The following ERBB4 variants were observed in gnomAD, a reference collection of about 807,000 sequenced individuals.
ERBB4 encodes the protein erb-b2 receptor tyrosine kinase 4, also known as receptor tyrosine-protein kinase erbB-4.
ERBB4 carries 42 observed loss-of-function variants against 158.0 expected under a neutral mutation model. That is an observed-to-expected ratio of 0.27 (90% CI 0.21 to 0.34). The LOEUF (loss-of-function observed/expected upper bound fraction) is 0.34, where lower values mean the gene tolerates loss of function less well. Among genes scored for constraint, ERBB4 ranks in the 10% least tolerant of loss-of-function variants. The pLI is 1.00. For missense variants in ERBB4, 1,333 were observed against 1,624.1 expected (o/e 0.82, Z 3.08); for synonymous variants, 583 against 558.7 (o/e 1.04, Z -0.61).
intron 2 of ERBB4, among the ~76,000 whole-genome samples, chr2:212,008,447 T>C (rs1319488622): frequency 6.6e-6 from 1 of 152,134 alleles, no homozygotes; most frequent in African/African-American, 2.4e-5. Context: ...GAATTAAATA[T>C]GTTTCTCACC....
At chr2:212,084,855 G>C (rs923652538) in intron 2 of ERBB4, among the ~76,000 whole-genome samples, 1 of 151,934 alleles carries the variant, frequency 6.6e-6, no homozygotes, top group Non-Finnish European at 1.5e-5. Context: ...ATCATCCCTA[G>C]TAGGGAGGAA....
At chr2:211,712,839 A>G (rs1447299282) in intron 8 of ERBB4, among the ~76,000 whole-genome samples, 1 of 152,090 alleles carries the variant, frequency 6.6e-6, no homozygotes, top group Non-Finnish European at 1.5e-5. Flanking sequence ...GGAGAGAGAG[A>G]AAACATCATC....
intron 2 of ERBB4, among the ~76,000 whole-genome samples, chr2:212,065,374 G>A (rs2077912562): frequency 6.6e-6 from 1 of 151,888 alleles, no homozygotes; most frequent in Non-Finnish European, 1.5e-5. Context: ...TACAAAAAGA[G>A]CAAATTCAGT....
intron 20 of ERBB4, among the ~76,000 whole-genome samples, chr2:211,517,995 A>T (rs958322799): frequency 6.6e-6 from 1 of 152,104 alleles, no homozygotes; most frequent in Non-Finnish European, 1.5e-5. Context: ...GCCTGGTCTT[A>T]TTGTACAAGT....
At chr2:211,992,703 A>G (rs1021396372) in intron 2 of ERBB4, among the ~76,000 whole-genome samples, 10 of 152,168 alleles carry the variant, frequency 6.6e-5, no homozygotes, top group African/African-American at 2.4e-4. Flanking sequence ...TGAGACAGAA[A>G]GAAAATTGTG....
chr2:211,754,525 C>T (rs1270923837), intron 4 of ERBB4, among the ~76,000 whole-genome samples: 1 of 151,450 alleles, frequency 6.6e-6, no homozygotes, highest in East Asian at 2.0e-4. Context: ...CTCAGCCTCC[C>T]GAGTAGCTGG....
At chr2:212,513,682 G>C (rs1385345555) in intron 1 of ERBB4, among the ~76,000 whole-genome samples, 1 of 152,162 alleles carries the variant, frequency 6.6e-6, no homozygotes, top group Non-Finnish European at 1.5e-5. Context: ...GTAGTGGCCA[G>C]CGCCTGTAGT....
At chr2:212,481,842 A>G (rs1235531755) in intron 1 of ERBB4, among the ~76,000 whole-genome samples, 1 of 152,236 alleles carries the variant, frequency 6.6e-6, no homozygotes, top group East Asian at 1.9e-4. Context: ...TTACATTTTC[A>G]TCCATATATT....
At chr2:212,291,995 A>G (rs2086224411) in intron 1 of ERBB4, among the ~76,000 whole-genome samples, 1 of 151,998 alleles carries the variant, frequency 6.6e-6, no homozygotes, top group Non-Finnish European at 1.5e-5. Context: ...ATACAGATGA[A>G]AGAACTGAGG....
chr2:212,028,212 G>A (rs2076819011), intron 2 of ERBB4, among the ~76,000 whole-genome samples: 1 of 151,980 alleles, frequency 6.6e-6, no homozygotes, highest in South Asian at 2.1e-4. Flanking sequence ...ACACACCAAA[G>A]GCCTGACAAG....
Position 211,376,098 on chromosome 2 carries a change from A to C in ERBB4, c.*7517T>G, listed in dbSNP as rs1389179257. The C allele has an allele frequency of 4.3e-6, 1 of 233,016 alleles. No individual in the cohort carries two copies. The highest frequency in any genetic ancestry group is 2.2e-5 in the African/African-American group (1 of 45,304). 14.4% of individuals were successfully genotyped at this position (233,016 alleles called of 1,614,324 possible). Reference sequence around the variant, plus strand: ...AAAAAAGTTAGTATGTGTTAGGTGCATGATCCTTCATCAATAACATGGAAA... The same window carrying C: ...AAAAAAGTTAGTATGTGTTAGGTGCCTGATCCTTCATCAATAACATGGAAA... On this transcript the variant is annotated 3_prime_UTR_variant, in exon 28 of 28. Transcript: ENST00000342788.
At chr2:211,412,780 C>CCTGT (rs1559141468) in intron 25 of ERBB4, among the ~76,000 whole-genome samples, 1 of 151,536 alleles carries the variant, frequency 6.6e-6, no homozygotes, top group African/African-American at 2.4e-5. Flanking sequence ...ATGGTGAAAC[C>CCTGT]CTGTCTCTAC....
intron 3 of ERBB4, among the ~76,000 whole-genome samples, chr2:211,790,363 A>G (rs1201840107): frequency 6.6e-6 from 1 of 152,068 alleles, no homozygotes; most frequent in Non-Finnish European, 1.5e-5. Context: ...TTGCAGAAAG[A>G]GTGTATATTT....
intron 9 of ERBB4, among the ~76,000 whole-genome samples, chr2:211,706,832 A>C (rs985838393): frequency 6.6e-6 from 1 of 152,180 alleles, no homozygotes; most frequent in Admixed American, 6.5e-5. Flanking sequence ...AAAAGCTTAA[A>C]GTCTCAATGA....
chr2:211,890,163 G>A (rs1427400170), intron 3 of ERBB4, among the ~76,000 whole-genome samples: 10 of 77,586 alleles, frequency 1.3e-4, no homozygotes, highest in South Asian at 5.1e-4. Flanking sequence ...GAGAAAGGTC[G>A]GGTTACCCTC....
At chr2:212,135,540 T>A (rs944823887) in intron 1 of ERBB4, among the ~76,000 whole-genome samples, 7 of 152,230 alleles carry the variant, frequency 4.6e-5, no homozygotes, top group African/African-American at 1.4e-4. Context: ...TCTTAATTTT[T>A]ATTTCATAAC....
chr2:212,391,842 T>C (rs1229471882), intron 1 of ERBB4, among the ~76,000 whole-genome samples: 2 of 146,912 alleles, frequency 1.4e-5, no homozygotes, highest in African/African-American at 5.1e-5. Context: ...ATATGGTACA[T>C]GTAAATTTAA....
chr2:212,035,852 C>A (rs917789683), intron 2 of ERBB4, among the ~76,000 whole-genome samples: 15 of 152,126 alleles, frequency 9.9e-5, no homozygotes, highest in African/African-American at 3.6e-4. Context: ...CTGACCCAAA[C>A]AGGCATATAA....
At chr2:211,701,239 T>C (rs1313981781) in intron 12 of ERBB4, among the ~76,000 whole-genome samples, 2 of 152,218 alleles carry the variant, frequency 1.3e-5, no homozygotes, top group Admixed American at 1.3e-4. Flanking sequence ...AGTTTTTACA[T>C]GTTAGAAAAA....
Sources: allele counts gnomAD v4.1 joint callset (sites outside exome capture counted in the v4.1 genomes callset), GRCh38; gene constraint gnomAD v4.1.1; transcripts MANE v1.5; gene names NCBI Gene and HGNC (gene_info 2026-07-23, HGNC 2026-07-21).